HMGB1: variants seen among roughly 807,000 people sequenced by gnomAD.
HMGB1 encodes high mobility group protein B1.
For synonymous variants in HMGB1, 81 were observed against 84.0 expected (o/e 0.96, Z 0.19); for missense variants, 79 against 253.5 (o/e 0.31, Z 4.67).
intron 1 of HMGB1, among the ~76,000 whole-genome samples, chr13:30,613,407 A>T (rs569560955): frequency 4.6e-5 from 7 of 152,330 alleles, no homozygotes; most frequent in African/African-American, 1.7e-4. Flanking sequence ...TTGGCAAAAA[A>T]TTTTAAAGAA....
At chr13:30,550,449 G>A (rs1425849432) in intron 1 of HMGB1, among the ~76,000 whole-genome samples, 1 of 152,172 alleles carries the variant, frequency 6.6e-6, no homozygotes, top group Non-Finnish European at 1.5e-5. Context: ...CTGACATGGT[G>A]GGGAGGGATG....
At chr13:30,465,141 C>T (rs1224216841) in intron 1 of HMGB1, 55 of 970,692 alleles carry the variant, frequency 5.7e-5, no homozygotes, top group Non-Finnish European at 6.3e-5. Context: ...AGCGCCGGGC[C>T]CGAGTCAGCC....
intron 1 of HMGB1, among the ~76,000 whole-genome samples, chr13:30,547,798 T>A (rs944362013): frequency 2.0e-5 from 3 of 152,052 alleles, no homozygotes; most frequent in Non-Finnish European, 4.4e-5. Context: ...ACACTTGTGA[T>A]CCCAGCTGCT....
At chr13:30,586,162 G>A (rs34344516) in intron 1 of HMGB1, among the ~76,000 whole-genome samples, 22,611 of 152,002 alleles carry the variant, frequency 0.15, 1,976 homozygotes, top group African/African-American at 0.25. Context: ...ACCTCCCTGA[G>A]TTCAAGAGAT....
chr13:30,607,708 T>C (rs1438028810), intron 1 of HMGB1, among the ~76,000 whole-genome samples: 1 of 152,194 alleles, frequency 6.6e-6, no homozygotes, highest in African/African-American at 2.4e-5. Flanking sequence ...TCATGCTATA[T>C]AAATTACTGA....
At chr13:30,585,098 C>T (rs982463421) in intron 1 of HMGB1, among the ~76,000 whole-genome samples, 3 of 151,450 alleles carry the variant, frequency 2.0e-5, no homozygotes, top group Non-Finnish European at 4.4e-5. Context: ...TGCAGTGAGC[C>T]GTGATTGTGT....
chr13:30,590,344 G>C (rs1455019523), intron 1 of HMGB1, among the ~76,000 whole-genome samples: 1 of 151,838 alleles, frequency 6.6e-6, no homozygotes, highest in African/African-American at 2.4e-5. Flanking sequence ...TTTATTTAGA[G>C]ACTGGGTTAT....
intron 1 of HMGB1, among the ~76,000 whole-genome samples, chr13:30,602,047 C>T (rs528277597): frequency 7.1e-4 from 108 of 152,196 alleles, no homozygotes; most frequent in African/African-American, 2.3e-3. Flanking sequence ...TGCACATGTA[C>T]GAGCGTACAA....
intron 1 of HMGB1, among the ~76,000 whole-genome samples, chr13:30,610,716 A>G (rs1950505454): frequency 6.7e-6 from 1 of 148,904 alleles, no homozygotes; most frequent in Non-Finnish European, 1.5e-5. Context: ...TGAGATCTGT[A>G]AATCTAATGC....
intron 1 of HMGB1, among the ~76,000 whole-genome samples, chr13:30,582,098 G>C (rs1870924310): frequency 6.6e-6 from 1 of 152,144 alleles, no homozygotes; most frequent in South Asian, 2.1e-4. Flanking sequence ...ATCAGTCAAA[G>C]ATATGGGGTG....
chr13:30,586,063 T>C (rs769152107), intron 1 of HMGB1, among the ~76,000 whole-genome samples: 14 of 152,182 alleles, frequency 9.2e-5, no homozygotes, highest in Admixed American at 3.9e-4. Context: ...TTTTCTAATT[T>C]TTTTTATTGT....
At chr13:30,493,368 T>C (rs1887541546) in intron 1 of HMGB1, among the ~76,000 whole-genome samples, 1 of 152,166 alleles carries the variant, frequency 6.6e-6, no homozygotes, top group South Asian at 2.1e-4. Flanking sequence ...TTATAGAAAA[T>C]GCAAACTAAT....
intron 1 of HMGB1, among the ~76,000 whole-genome samples, chr13:30,483,127 T>G (rs1887274101): frequency 6.6e-6 from 1 of 152,092 alleles, no homozygotes; most frequent in African/African-American, 2.4e-5. Context: ...TGTCCTAATG[T>G]TAAGATGACA....
intron 1 of HMGB1, among the ~76,000 whole-genome samples, chr13:30,613,080 T>G (rs1424149686): frequency 6.6e-6 from 1 of 152,172 alleles, no homozygotes; most frequent in Non-Finnish European, 1.5e-5. Flanking sequence ...TTAGGCCTTG[T>G]TTTTGCTGTT....
intron 1 of HMGB1, among the ~76,000 whole-genome samples, chr13:30,528,954 G>A (rs1282403413): frequency 2.0e-5 from 3 of 149,494 alleles, no homozygotes; most frequent in Non-Finnish European, 3.0e-5. Flanking sequence ...GTGTGAACCC[G>A]GGAGGCGGAG....
At chr13:30,561,927 C>G (rs899595238) in intron 1 of HMGB1, among the ~76,000 whole-genome samples, 2 of 152,068 alleles carry the variant, frequency 1.3e-5, no homozygotes, top group Non-Finnish European at 2.9e-5. Context: ...GCAACTGGTC[C>G]CCCAACTTCT....
At chr13:30,588,390 G>C (rs1366094616) in intron 1 of HMGB1, among the ~76,000 whole-genome samples, 6 of 152,148 alleles carry the variant, frequency 3.9e-5, no homozygotes, top group Non-Finnish European at 7.4e-5. Context: ...GGATCATGTA[G>C]AACAGGGGAA....
intron 1 of HMGB1, among the ~76,000 whole-genome samples, chr13:30,561,192 G>C: frequency 6.6e-6 from 1 of 152,158 alleles, no homozygotes; most frequent in Admixed American, 6.5e-5. Context: ...TCTGGAATTA[G>C]GGCAGCCAAT....
At position 30,559,923 on chromosome 13, in the gene HMGB1, T is replaced by C. The variant is rs1007375005; in HGVS notation, c.-15+56748A>G. Among the ~76,000 whole-genome samples, 2 of 152,086 alleles carry C rather than the reference T, an allele frequency of 1.3e-5. No individual in the cohort carries two copies. Among genetic ancestry groups the C allele is most frequent in the African/African-American group, 4.8e-5 (2 of 41,400 alleles). Reference sequence around the variant, plus strand: ...TCATATTCCCAAAAAGCAGGAAAGGTAGTACAGTGAGATGGATGATGCCTT... The same window carrying C: ...TCATATTCCCAAAAAGCAGGAAAGGCAGTACAGTGAGATGGATGATGCCTT... On this transcript the variant is annotated intron_variant, in intron 1 of 4. Coordinates refer to the HMGB1 transcript ENST00000405805. This position sits in a 1 kb window ranked among gnomAD's most constrained non-coding sequence, Gnocchi z 6.6.
Sources: allele counts gnomAD v4.1 joint callset (sites outside exome capture counted in the v4.1 genomes callset), GRCh38; gene constraint gnomAD v4.1.1; non-coding constraint Gnocchi (gnomAD v3.1); transcripts MANE v1.5; gene names NCBI Gene and HGNC (gene_info 2026-07-23, HGNC 2026-07-21).